NDUFA12: variants seen among roughly 807,000 people sequenced by gnomAD.
NDUFA12 encodes the protein NADH:ubiquinone oxidoreductase subunit A12.
Under a neutral mutation model 20.3 loss-of-function variants are expected in NDUFA12, and 17 were observed. That is an observed-to-expected ratio of 0.84 (90% CI 0.57 to 1.26). NDUFA12 has a LOEUF of 1.26. Ranked by LOEUF, NDUFA12 falls within the 50% of genes most tolerant of loss-of-function variation. The probability of loss-of-function intolerance (pLI) is 0.00; values close to 1 mark genes in which losing one functional copy is unlikely to be tolerated. For synonymous variants in NDUFA12, 72 were observed against 63.6 expected, an observed-to-expected ratio of 1.13 and a Z score of -0.63; for missense variants, 191 against 183.7, an observed-to-expected ratio of 1.04 and a Z score of -0.23.
intron 3 of NDUFA12, among the ~76,000 whole-genome samples, chr12:94,990,113 G>T (rs1168366035): frequency 2.0e-5 from 3 of 152,122 alleles, no homozygotes; most frequent in Non-Finnish European, 4.4e-5. Context: ...TAAAACCAAA[G>T]CTCAATGCAT....
chr12:94,986,241 CAAAAGAAAAA>C (rs1299870527), intron 3 of NDUFA12, among the ~76,000 whole-genome samples: 1 of 149,980 alleles, frequency 6.7e-6, no homozygotes, highest in African/African-American at 2.5e-5. Context: ...ACCCTGTCTT[CAAAAGAAAAA>C]AAAAGAAAAA....
chr12:94,995,824 G>A (rs1201685495), intron 2 of NDUFA12, among the ~76,000 whole-genome samples: 8 of 152,050 alleles, frequency 5.3e-5, no homozygotes, highest in Non-Finnish European at 1.2e-4. Context: ...TGTGTCTATC[G>A]ATAGTAACAG....
intron 3 of NDUFA12, among the ~76,000 whole-genome samples, chr12:94,974,690 G>C (rs1213920416): frequency 1.3e-5 from 2 of 152,192 alleles, no homozygotes; most frequent in African/African-American, 2.4e-5. Flanking sequence ...CCTGTCATTA[G>C]TAACAACATG....
chr12:95,000,363 T>C (rs534876453), intron 2 of NDUFA12, among the ~76,000 whole-genome samples: 1 of 152,232 alleles, frequency 6.6e-6, no homozygotes, highest in Admixed American at 6.6e-5. Context: ...GTAACACTGC[T>C]CGGGTGACAG....
intron 3 of NDUFA12, among the ~76,000 whole-genome samples, chr12:94,977,827 G>C (rs1356391448): frequency 6.6e-6 from 1 of 152,160 alleles, no homozygotes; most frequent in Non-Finnish European, 1.5e-5. Flanking sequence ...TAAAAAAAAT[G>C]TTAAGCAGAG....
At chr12:94,996,891 A>T in intron 2 of NDUFA12, 1 of 334,230 alleles carries the variant, frequency 3.0e-6, no homozygotes, top group Non-Finnish European at 5.8e-6. Flanking sequence ...TGAGAAGTAG[A>T]AAGAATAATT....
Position 94,971,540 on chromosome 12 carries a change from T to C in NDUFA12, c.338A>G (p.His113Arg), listed in dbSNP as rs770498528. 1 of 1,614,118 alleles carries C rather than the reference T, an allele frequency of 6.2e-7. No homozygotes were observed. Among genetic ancestry groups the C allele is most frequent in the Non-Finnish European group, 8.5e-7 (1 of 1,180,050 alleles). ...TGGGGTGCCAGTCACGTTGAATTTA[T>C]GGTTCGTCCAAATGAATTTACGAGC... Reference protein sequence around the residue: ...LTARKFIWTNHKFNVTGTPEQ... With the variant: ...LTARKFIWTNRKFNVTGTPEQ... Residue 113 changes from histidine to arginine, a missense_variant, in exon 4 of 4, where the codon CAT becomes CGT. Transcript: ENST00000327772.
At position 95,003,632 on chromosome 12, in the gene NDUFA12, G is replaced by T. The variant is rs765737141; in HGVS notation, c.49C>A (p.His17Asn). Residue 17 changes from histidine to asparagine, a missense_variant, in exon 1 of 4, where the codon CAC (histidine) becomes AAC (asparagine). Transcript: ENST00000327772. ...LKRGLQQITG[H>N]GGLRGYLRVF... ...CGTAGATAGCCTCGGAGACCGCCGT[G>T]GCCGGTGATCTGCTGCAGCCCGCGT... 2 of 1,614,176 alleles carry T rather than the reference G, an allele frequency of 1.2e-6. No individual in the cohort carries two copies. Among genetic ancestry groups the T allele is most frequent in the Admixed American group, 1.7e-5 (1 of 60,008 alleles).
Position 94,999,550 on chromosome 12 carries a change from G to A in NDUFA12, c.169+3189C>T, listed in dbSNP as rs190164917. 1.0e-3 allele frequency among the ~76,000 whole-genome samples: 152 copies of A among 152,248 alleles called. 1 individual carries two copies. The highest frequency in any genetic ancestry group is 3.6e-3 in the African/African-American group (148 of 41,548). ...GCAGAGTAAACAGACAACCCACAAAGTGGGAGAAAATATTTGCAAACTATG... is the reference window on the plus strand; with the variant it reads ...GCAGAGTAAACAGACAACCCACAAAATGGGAGAAAATATTTGCAAACTATG... On this transcript the variant is annotated intron_variant, in intron 2 of 3. Coordinates refer to ENST00000327772, the MANE Select transcript of NDUFA12 (RefSeq NM_018838.5).
At chr12:95,002,194 C>G (rs1211835622) in intron 2 of NDUFA12, among the ~76,000 whole-genome samples, 1 of 151,074 alleles carries the variant, frequency 6.6e-6, no homozygotes, top group African/African-American at 2.4e-5. Flanking sequence ...GTAATCCCAG[C>G]ACTTTGGGGG....
chr12:94,978,850 A>G (rs998347137), intron 3 of NDUFA12, among the ~76,000 whole-genome samples: 2 of 152,186 alleles, frequency 1.3e-5, no homozygotes, highest in African/African-American at 4.8e-5. Flanking sequence ...AAATTGCCCA[A>G]CAATCCTTTC....
intron 3 of NDUFA12, among the ~76,000 whole-genome samples, chr12:94,990,057 C>A (rs979533872): frequency 5.9e-5 from 9 of 152,096 alleles, no homozygotes; most frequent in African/African-American, 1.9e-4. Flanking sequence ...AATAGTCCTC[C>A]TAACATATAG....
chr12:94,983,299 G>A (rs1874303375), intron 3 of NDUFA12, among the ~76,000 whole-genome samples: 1 of 152,152 alleles, frequency 6.6e-6, no homozygotes, highest in African/African-American at 2.4e-5. Context: ...CATTTTAAGT[G>A]TGGCTGGACT....
intron 2 of NDUFA12, among the ~76,000 whole-genome samples, chr12:95,001,871 A>C (rs1875046461): frequency 6.6e-6 from 1 of 151,696 alleles, no homozygotes; most frequent in African/African-American, 2.4e-5. Flanking sequence ...CATCCAGCTA[A>C]TTTTTGTATT....
Position 95,002,830 on chromosome 12 carries a change from A to G in NDUFA12, c.87-9T>C. ...CCTTCGCATCATTTGTCCTGTGAATACCCAAAAGAAAACAGACATTTTAGA... is the reference window on the plus strand; with the variant it reads ...CCTTCGCATCATTTGTCCTGTGAATGCCCAAAAGAAAACAGACATTTTAGA... On this transcript the variant is annotated splice_polypyrimidine_tract_variant and intron_variant, in intron 1 of 3. Transcript: ENST00000327772. 5.6e-6 allele frequency: 9 copies of G among 1,606,126 alleles called. No individual in the cohort carries two copies. Among genetic ancestry groups the G allele is most frequent in the Non-Finnish European group, 7.7e-6 (9 of 1,172,704 alleles).
chr12:94,971,800 G>T, intron 3 of NDUFA12, 180 bp from the exon 4 acceptor site: 2 of 786,798 alleles, frequency 2.5e-6, no homozygotes, highest in Non-Finnish European at 2.3e-6. Flanking sequence ...CTACTCCTCA[G>T]GGATGGTATA....
At chr12:94,979,304 C>T (rs189191391) in intron 3 of NDUFA12, among the ~76,000 whole-genome samples, 4 of 152,292 alleles carry the variant, frequency 2.6e-5, no homozygotes, top group African/African-American at 7.2e-5. Flanking sequence ...GTTGTTGAAT[C>T]AGTGAATAAA....
chr12:94,982,360 G>A (rs1874271699), intron 3 of NDUFA12, among the ~76,000 whole-genome samples: 1 of 146,048 alleles, frequency 6.8e-6, no homozygotes, highest in Admixed American at 6.9e-5. Flanking sequence ...TGCAAGCTCC[G>A]CTTCCCAGGT....
At chr12:94,975,182 G>A (rs1874027978) in intron 3 of NDUFA12, among the ~76,000 whole-genome samples, 1 of 152,130 alleles carries the variant, frequency 6.6e-6, no homozygotes, top group Non-Finnish European at 1.5e-5. Context: ...ATTGAAAAGT[G>A]TATGTCCTAA....
Sources: allele counts gnomAD v4.1 joint callset (sites outside exome capture counted in the v4.1 genomes callset), GRCh38; gene constraint gnomAD v4.1.1; transcripts MANE v1.5; gene names NCBI Gene and HGNC (gene_info 2026-07-23, HGNC 2026-07-21).